The following SLC38A9 variants were observed in gnomAD, a reference collection of about 807,000 sequenced individuals.
SLC38A9 encodes the protein neutral amino acid transporter 9.
In SLC38A9, 48 loss-of-function variants were observed where a neutral mutation model predicts 62.3. That is an observed-to-expected ratio of 0.77 (90% CI 0.61 to 0.98). The LOEUF (loss-of-function observed/expected upper bound fraction) is 0.98. SLC38A9 is among the 50% of genes least tolerant of loss of function. The pLI is 0.00. For missense variants in SLC38A9, 541 were observed against 679.8 expected (o/e 0.80, Z 2.27); for synonymous variants, 204 against 227.7 (o/e 0.90, Z 0.94).
At chr5:55,683,990 C>T (rs1327042173) in intron 3 of SLC38A9, among the ~76,000 whole-genome samples, 3 of 152,178 alleles carry the variant, frequency 2.0e-5, no homozygotes, top group African/African-American at 7.2e-5. Flanking sequence ...TATGAGCATT[C>T]CCACTGTTCC....
chr5:55,634,865 C>G (rs549240691), intron 13 of SLC38A9: 1 of 152,120 alleles, frequency 6.6e-6, no homozygotes, highest in East Asian at 1.9e-4. Context: ...TCTTCAGTCA[C>G]TTATAACTAA....
chr5:55,697,900 C>G lies in SLC38A9; in HGVS notation c.59G>C (p.Arg20Thr). 1 of 1,600,786 alleles carries G rather than the reference C, an allele frequency of 6.2e-7. No homozygotes were observed. The highest frequency in any genetic ancestry group is 2.3e-5 in the East Asian group (1 of 44,342). The part of the protein sequence containing the change: ...HLGTSEVDHE[R>T]DPGPMNIQFE... ...CTGGATATTCATAGGTCCAGGATCTCTTTCATGATCTACCTCAGAGGTGCC... is the reference window on the plus strand; with the variant it reads ...CTGGATATTCATAGGTCCAGGATCTGTTTCATGATCTACCTCAGAGGTGCC... Residue 20 changes from arginine to threonine, a missense_variant, in exon 3 of 16, where the codon AGA (arginine) becomes ACA (threonine). By Grantham distance (71) the Arg-to-Thr change is moderately conservative. Coordinates refer to ENST00000396865, the MANE Select transcript of SLC38A9 (RefSeq NM_173514.4).
At chr5:55,661,444 C>CAAA (rs3072768) in intron 8 of SLC38A9, among the ~76,000 whole-genome samples, 4 of 67,646 alleles carry the variant, frequency 5.9e-5, no homozygotes, top group African/African-American at 1.2e-4. Flanking sequence ...GACTCCGTCT[C>CAAA]AAAAAAAAAA....
Position 55,648,893 on chromosome 5 carries a change from T to TA in SLC38A9, c.1060+313dup, listed in dbSNP as rs1746875882. ...TTATATGTCAATAAAAATGTTTAAT[T>TA]AAAAACCACAAAACCACAATGTAAT... On this transcript the variant is annotated intron_variant, in intron 11 of 15. Transcript: ENST00000396865. 2.6e-5 allele frequency among the ~76,000 whole-genome samples: 4 copies of TA among 152,138 alleles called. No individual in the cohort carries two copies. The South Asian group carries it at 8.3e-4, about 32-fold the overall frequency.
intron 2 of SLC38A9, among the ~76,000 whole-genome samples, chr5:55,703,247 T>C (rs1379972132): frequency 6.6e-6 from 1 of 152,150 alleles, no homozygotes; most frequent in Non-Finnish European, 1.5e-5. Flanking sequence ...AAGTAACTTG[T>C]CCTAAATCAC....
At chr5:55,656,085 A>G (rs111378156) in intron 9 of SLC38A9, among the ~76,000 whole-genome samples, 1 of 152,062 alleles carries the variant, frequency 6.6e-6, no homozygotes, top group Non-Finnish European at 1.5e-5. Context: ...ATTAATAGTG[A>G]TATAGGTTCT....
At chr5:55,645,210 G>A (rs148582957) in intron 12 of SLC38A9, among the ~76,000 whole-genome samples, 2 of 152,206 alleles carry the variant, frequency 1.3e-5, no homozygotes, top group African/African-American at 4.8e-5. Flanking sequence ...ATAGGCATGT[G>A]CTACCAAACC....
At position 55,626,344 on chromosome 5, in the gene SLC38A9, C is replaced by T. The variant is rs75004233; in HGVS notation, c.*150G>A. ...TTCCCCACCCCAATAAAAAAATACT[C>T]ATTAAGGGGCCACTATTTCCCTTGC... On this transcript the variant is annotated 3_prime_UTR_variant, in exon 16 of 16. Coordinates refer to ENST00000396865, the MANE Select transcript of SLC38A9 (RefSeq NM_173514.4). The T allele has an allele frequency of 0.031, 20,925 of 672,078 alleles. 563 individuals are homozygous for T. Among genetic ancestry groups the T allele is most frequent in the African/African-American group, 0.11 (6,230 of 55,188 alleles). 41.6% of individuals were successfully genotyped at this position (672,078 alleles called of 1,614,324 possible). A position where few individuals can be genotyped will look rare whatever the true frequency, so the allele number is the denominator to read the frequency against.
chr5:55,708,954 C>A (rs894614670), intron 2 of SLC38A9, among the ~76,000 whole-genome samples: 23 of 152,142 alleles, frequency 1.5e-4, no homozygotes, highest in African/African-American at 5.3e-4. Context: ...TGGAACCACA[C>A]CACAAAAAAG....
intron 12 of SLC38A9, among the ~76,000 whole-genome samples, chr5:55,639,016 G>A (rs909505401): frequency 7.2e-5 from 11 of 152,078 alleles, no homozygotes; most frequent in African/African-American, 2.4e-4. Context: ...GGTAAGATAC[G>A]ACAAAAGAAT....
At chr5:55,707,449 C>T (rs1446536397) in intron 2 of SLC38A9, among the ~76,000 whole-genome samples, 1 of 152,104 alleles carries the variant, frequency 6.6e-6, no homozygotes, top group Non-Finnish European at 1.5e-5. Flanking sequence ...TAGTGAAACC[C>T]TGTCTCTACT....
At chr5:55,692,263 A>G (rs1754860858) in intron 3 of SLC38A9, among the ~76,000 whole-genome samples, 1 of 152,212 alleles carries the variant, frequency 6.6e-6, no homozygotes, top group Admixed American at 6.5e-5. Flanking sequence ...AAGTAAATAG[A>G]TTTTTGAAGA....
At position 55,669,818 on chromosome 5, in the gene SLC38A9, G is replaced by C. The variant is rs767180602; in HGVS notation, c.308C>G (p.Ser103Cys). ...AGTGTAACTTTGAAGTTTATAAGCA[G>C]AGCCCAATGGACTATACACATAGCA... is the stretch of plus-strand genomic sequence containing the variant. Reference protein sequence around the residue: ...EECYVYSPLGSAYKLQSYTEG... With the variant: ...EECYVYSPLGCAYKLQSYTEG... The change falls in exon 5 of 16, where the codon TCT (serine) becomes TGT (cysteine). Residue 103 changes from serine (S) to cysteine (C), a missense_variant. Physicochemically the swap from Ser to Cys is moderately radical, Grantham distance 112 (BLOSUM62 -1). Coordinates refer to ENST00000396865, the MANE Select transcript of SLC38A9 (RefSeq NM_173514.4). The C allele has an allele frequency of 6.2e-7, 1 of 1,613,724 alleles. No individual in the cohort carries two copies. The highest frequency in any genetic ancestry group is 1.7e-5 in the Admixed American group (1 of 59,976).
chr5:55,643,388 G>C (rs1318347295), intron 12 of SLC38A9, among the ~76,000 whole-genome samples: 1 of 152,162 alleles, frequency 6.6e-6, no homozygotes. Context: ...ATTATGGTTA[G>C]AGAACATACT....
chr5:55,672,197 C>T (rs978936534), intron 4 of SLC38A9, among the ~76,000 whole-genome samples: 3 of 152,100 alleles, frequency 2.0e-5, no homozygotes, highest in Non-Finnish European at 4.4e-5. Context: ...ATTTCCCTTA[C>T]AGCTTCAAAG....
At chr5:55,698,085 C>A (rs1343849217) in intron 2 of SLC38A9, 93 bp from the exon 3 acceptor site, 5 of 559,516 alleles carry the variant, frequency 8.9e-6, no homozygotes, top group Middle Eastern at 4.2e-4. Context: ...TGGAAAAATA[C>A]TGGAATTTGC....
chr5:55,627,458 CT>C (rs1742639314), intron 15 of SLC38A9, among the ~76,000 whole-genome samples: 1 of 152,058 alleles, frequency 6.6e-6, no homozygotes, highest in African/African-American at 2.4e-5. Flanking sequence ...TAAACTCTTA[CT>C]TTTTGACTAC....
At chr5:55,688,123 A>C (rs746078633) in intron 3 of SLC38A9, among the ~76,000 whole-genome samples, 1 of 152,180 alleles carries the variant, frequency 6.6e-6, no homozygotes, top group Non-Finnish European at 1.5e-5. Flanking sequence ...CTGAGACTTC[A>C]CTGAAGTTGC....
Position 55,683,772 on chromosome 5 carries a change from CACA to C in SLC38A9, c.114-11080_114-11078del, listed in dbSNP as rs568518339. Among the ~76,000 whole-genome samples the C allele has an allele frequency of 1.7e-3, 263 of 152,276 alleles. 1 individual carries two copies. The highest frequency in any genetic ancestry group is 6.0e-3 in the African/African-American group (251 of 41,584). ...TGTATAACATTCCATTATATAAAAA[CACA>C]ACAATTTACTTATCCATTCCTGTGA... is the stretch of plus-strand genomic sequence containing the variant. On this transcript the variant is annotated intron_variant, in intron 3 of 15. Coordinates refer to ENST00000396865, the MANE Select transcript of SLC38A9 (RefSeq NM_173514.4).
Sources: allele counts gnomAD v4.1 joint callset (sites outside exome capture counted in the v4.1 genomes callset), GRCh38; gene constraint gnomAD v4.1.1; transcripts MANE v1.5; gene names NCBI Gene and HGNC (gene_info 2026-07-23, HGNC 2026-07-21).